SUMF1: variants seen among roughly 807,000 people sequenced by gnomAD.
SUMF1 encodes formylglycine-generating enzyme.
A neutral mutation model predicts 47.6 loss-of-function variants in SUMF1; 48 were observed. The ratio of observed to expected loss-of-function variants is 1.01; its 90% confidence interval spans 0.80 to 1.28. SUMF1 has a LOEUF of 1.28. Among genes scored for constraint, SUMF1 ranks in the 50% most tolerant of loss-of-function variants. The pLI is 0.00. For synonymous variants in SUMF1, 230 were observed against 192.1 expected (o/e 1.20, Z -1.63); for missense variants, 571 against 485.4 (o/e 1.18, Z -1.66).
chr3:4,303,497 C>A, intron 8 of SUMF1: 1 of 1,462,202 alleles, frequency 6.8e-7, no homozygotes, highest in Non-Finnish European at 9.0e-7. Context: ...GGGCGCGTGG[C>A]CCCCGGGGGC....
intron 8 of SUMF1, among the ~76,000 whole-genome samples, chr3:4,278,680 T>C (rs981312593): frequency 6.6e-6 from 1 of 152,102 alleles, no homozygotes; most frequent in Non-Finnish European, 1.5e-5. Context: ...GAACCAAGAT[T>C]AGATAAATTA....
At chr3:4,060,148 G>C (rs1175364180) in intron 9 of SUMF1, among the ~76,000 whole-genome samples, 2 of 152,214 alleles carry the variant, frequency 1.3e-5, no homozygotes, top group Non-Finnish European at 2.9e-5. Context: ...AATCGCTCTA[G>C]CTGCCCAGTG....
intron 8 of SUMF1, among the ~76,000 whole-genome samples, chr3:4,366,415 C>A (rs923010664): frequency 2.0e-5 from 3 of 151,884 alleles, no homozygotes; most frequent in Non-Finnish European, 2.9e-5. Context: ...TTGTTCATTT[C>A]TTTTTATTCT....
At chr3:4,461,324 C>A (rs1044066073) in intron 1 of SUMF1, among the ~76,000 whole-genome samples, 5 of 152,154 alleles carry the variant, frequency 3.3e-5, no homozygotes, top group African/African-American at 4.8e-5. Flanking sequence ...ACATTTTAAG[C>A]AGCTCTACAA....
At chr3:4,340,075 C>A (rs1699238351) in intron 8 of SUMF1, among the ~76,000 whole-genome samples, 1 of 151,016 alleles carries the variant, frequency 6.6e-6, no homozygotes, top group Non-Finnish European at 1.5e-5. Context: ...GAGACCTTGT[C>A]TCAAAACACA....
intron 8 of SUMF1, among the ~76,000 whole-genome samples, chr3:4,074,675 G>T (rs932398822): frequency 3.3e-5 from 5 of 152,018 alleles, no homozygotes; most frequent in East Asian, 1.9e-4. Context: ...CGATCCCATG[G>T]AAATACAAAC....
intron 9 of SUMF1, among the ~76,000 whole-genome samples, chr3:4,040,912 T>C (rs1420167306): frequency 6.6e-6 from 1 of 152,176 alleles, no homozygotes; most frequent in African/African-American, 2.4e-5. Flanking sequence ...TAACCAAAAG[T>C]GTTCAAGCAA....
intron 7 of SUMF1, among the ~76,000 whole-genome samples, chr3:4,382,683 A>G (rs1230086368): frequency 2.6e-5 from 4 of 152,184 alleles, no homozygotes; most frequent in Admixed American, 6.5e-5. Context: ...ACGCCCACCA[A>G]TGATGGACTG....
At chr3:4,367,094 G>T (rs998539984) in intron 8 of SUMF1, among the ~76,000 whole-genome samples, 2 of 152,068 alleles carry the variant, frequency 1.3e-5, no homozygotes, top group South Asian at 4.1e-4. Context: ...TCTCAGAGGA[G>T]TACCCGGCCG....
At chr3:4,209,139 T>C (rs1326501170) in intron 8 of SUMF1, among the ~76,000 whole-genome samples, 1 of 152,208 alleles carries the variant, frequency 6.6e-6, no homozygotes. Context: ...ATATTATCCT[T>C]TTAATGATTC....
chr3:4,168,390 T>G (rs1430301448), intron 8 of SUMF1, among the ~76,000 whole-genome samples: 1 of 152,204 alleles, frequency 6.6e-6, no homozygotes, highest in Non-Finnish European at 1.5e-5. Context: ...GTTCTGAGCC[T>G]TTAATAATGT....
intron 8 of SUMF1, among the ~76,000 whole-genome samples, chr3:4,127,632 T>C (rs1177442989): frequency 6.6e-6 from 1 of 152,170 alleles, no homozygotes; most frequent in Non-Finnish European, 1.5e-5. Flanking sequence ...AGACAGCCTA[T>C]TGTGGGACCT....
At chr3:4,333,583 A>C (rs1382553783) in intron 8 of SUMF1, among the ~76,000 whole-genome samples, 1 of 152,176 alleles carries the variant, frequency 6.6e-6, no homozygotes, top group African/African-American at 2.4e-5. Context: ...AAAGAAGCAA[A>C]AGCCATGGGA....
chr3:4,377,334 GA>G lies in SUMF1; in HGVS notation c.955-946del, dbSNP rs373650155. Among the ~76,000 whole-genome samples, 245 of 144,288 alleles carry G rather than the reference GA, an allele frequency of 1.7e-3. 1 individual carries two copies. Among genetic ancestry groups the G allele is most frequent in the African/African-American group, 5.1e-3 (204 of 39,662 alleles). 94.7% of individuals were successfully genotyped at this position (144,288 alleles called of 152,430 possible). ...GACATACAACATGGTTTATCTTGAA[GA>G]AAAAAAAAAAGACACATATACGTAC... On this transcript the variant is annotated intron_variant, in intron 7 of 8. Coordinates refer to ENST00000272902, the MANE Select transcript of SUMF1 (RefSeq NM_182760.4).
At chr3:4,156,020 T>TGAAA (rs1288377988) in intron 8 of SUMF1, among the ~76,000 whole-genome samples, 1 of 151,300 alleles carries the variant, frequency 6.6e-6, no homozygotes, top group Non-Finnish European at 1.5e-5. Flanking sequence ...GTTTTTCATC[T>TGAAA]GAAAGTAAGA....
intron 3 of SUMF1, among the ~76,000 whole-genome samples, chr3:4,438,837 A>G (rs774852035): frequency 2.6e-5 from 4 of 152,164 alleles, no homozygotes; most frequent in Non-Finnish European, 5.9e-5. Flanking sequence ...ATTGCACCCA[A>G]TTAATATAAA....
chr3:4,063,649 G>C (rs1465819776), intron 9 of SUMF1, among the ~76,000 whole-genome samples: 1 of 151,886 alleles, frequency 6.6e-6, no homozygotes, highest in Non-Finnish European at 1.5e-5. Context: ...TTCTCTTCCT[G>C]GTTTGCAAAC....
At chr3:4,076,496 G>T (rs781173494) in intron 8 of SUMF1, among the ~76,000 whole-genome samples, 25 of 152,048 alleles carry the variant, frequency 1.6e-4, no homozygotes, top group Non-Finnish European at 3.4e-4. Flanking sequence ...AGACAAGTTG[G>T]ATCTAATTAA....
intron 7 of SUMF1, among the ~76,000 whole-genome samples, chr3:4,382,661 G>A (rs562796092): frequency 6.6e-6 from 1 of 152,080 alleles, no homozygotes; most frequent in Non-Finnish European, 1.5e-5. Flanking sequence ...CAAAGACTTG[G>A]AACCAACCCA....
Sources: gnomAD v4.1 joint callset for allele counts (sites outside exome capture counted in the v4.1 genomes callset) on GRCh38, gnomAD v4.1.1 for gene constraint, MANE v1.5 for transcripts, NCBI Gene and HGNC (gene_info 2026-07-23, HGNC 2026-07-21) for gene names.